SEPHS1: variants seen among roughly 807,000 people sequenced by gnomAD.
SEPHS1 encodes selenophosphate synthetase 1, also known as zincore component SEPHS1.
SEPHS1 carries 7 observed loss-of-function variants against 39.2 expected under a neutral mutation model. The observed-to-expected ratio is 0.18, with a 90% confidence interval of 0.10 to 0.34. The LOEUF is 0.34. SEPHS1 is among the 10% of genes least tolerant of loss of function. SEPHS1 has a pLI of 1.00. For missense variants in SEPHS1, 253 were observed against 514.5 expected, an observed-to-expected ratio of 0.49 and a Z score of 4.92; for synonymous variants, 190 against 195.5, an observed-to-expected ratio of 0.97 and a Z score of 0.23.
intron 2 of SEPHS1, among the ~76,000 whole-genome samples, chr10:13,341,503 G>T (rs1045584971): frequency 2.6e-5 from 4 of 150,994 alleles, no homozygotes; most frequent in Non-Finnish European, 5.9e-5. Flanking sequence ...TAGGCACCAG[G>T]CAACAAATGT....
intron 8 of SEPHS1, among the ~76,000 whole-genome samples, chr10:13,319,878 G>A (rs1363308611): frequency 1.3e-5 from 2 of 152,130 alleles, no homozygotes; most frequent in Non-Finnish European, 2.9e-5. Flanking sequence ...TGACCTATTC[G>A]TGAACCACAT....
chr10:13,332,766 C>G (rs536546251), intron 5 of SEPHS1, among the ~76,000 whole-genome samples: 4 of 151,728 alleles, frequency 2.6e-5, no homozygotes, highest in African/African-American at 9.7e-5. Flanking sequence ...TGGCATGAAC[C>G]CGGGAGATGG....
chr10:13,324,330 T>A (rs1833198976), intron 7 of SEPHS1, among the ~76,000 whole-genome samples: 1 of 152,226 alleles, frequency 6.6e-6, no homozygotes, highest in Non-Finnish European at 1.5e-5. Context: ...ATTCATCCAC[T>A]CACCTACTGA....
chr10:13,324,620 G>GT (rs749639323), intron 7 of SEPHS1, among the ~76,000 whole-genome samples: 192 of 151,914 alleles, frequency 1.3e-3, no homozygotes, highest in Admixed American at 2.4e-3. Flanking sequence ...GTGTTTTTGG[G>GT]TTTTTTTTGA....
intron 7 of SEPHS1, among the ~76,000 whole-genome samples, chr10:13,323,796 C>A (rs1246887384): frequency 6.6e-6 from 1 of 150,506 alleles, no homozygotes; most frequent in Non-Finnish European, 1.5e-5. Flanking sequence ...GGCTGGAGTG[C>A]AGTGGCATGA....
At chr10:13,325,962 AAATAAT>A (rs1554789112) in intron 7 of SEPHS1, among the ~76,000 whole-genome samples, 10 of 67,828 alleles carry the variant, frequency 1.5e-4, no homozygotes, top group Admixed American at 4.1e-4. Context: ...AAAAAAAAAA[AAATAAT>A]AATAATAATA....
In SEPHS1 at chr10:13,348,211, C is replaced by T. The variant is rs1432415725; in HGVS notation, c.-290G>A. 3 of 145,962 alleles carry T rather than the reference C, an allele frequency of 2.1e-5. No individual in the cohort carries two copies. The highest frequency in any genetic ancestry group is 3.0e-5 in the Non-Finnish European group (2 of 65,970). 9.0% of individuals were successfully genotyped at this position (145,962 alleles called of 1,614,324 possible). ...CCTGCGGGAGCCGGGCCGCCGCGCT[C>T]CCGCCGGCTGGGCGCGCGGGGGTCC... On this transcript the variant is annotated 5_prime_UTR_variant, in exon 1 of 9. Transcript: ENST00000327347.
intron 8 of SEPHS1, among the ~76,000 whole-genome samples, chr10:13,321,768 G>A (rs1404860893): frequency 3.9e-5 from 6 of 152,250 alleles, no homozygotes; most frequent in African/African-American, 1.2e-4. Flanking sequence ...GAGCGATGGC[G>A]AGCCTGTAGG....
chr10:13,347,644 C>T (rs1833966267), intron 1 of SEPHS1, among the ~76,000 whole-genome samples: 1 of 146,998 alleles, frequency 6.8e-6, no homozygotes, highest in Non-Finnish European at 1.5e-5. Context: ...CCCAGGCCGG[C>T]CGCTCCCGCC....
intron 2 of SEPHS1, among the ~76,000 whole-genome samples, chr10:13,339,376 C>T (rs1295885412): frequency 6.6e-6 from 1 of 152,034 alleles, no homozygotes; most frequent in Non-Finnish European, 1.5e-5. Flanking sequence ...TGGAAATTTC[C>T]AATCAAGCCT....
intron 7 of SEPHS1, 100 bp downstream of exon 7, chr10:13,328,251 A>G (rs1833362475): frequency 1.3e-6 from 1 of 786,786 alleles, no homozygotes; most frequent in Non-Finnish European, 2.1e-6. Context: ...ACTGGCCAAA[A>G]ATCTGGCCAC....
intron 7 of SEPHS1, among the ~76,000 whole-genome samples, chr10:13,325,960 A>AT (rs1371662349): frequency 0.017 from 1,732 of 102,876 alleles, 41 homozygotes; most frequent in Middle Eastern, 0.036. Flanking sequence ...AAAAAAAAAA[A>AT]AAAATAATAA....
intron 2 of SEPHS1, among the ~76,000 whole-genome samples, chr10:13,342,017 C>A (rs1588548741): frequency 6.7e-6 from 1 of 148,426 alleles, no homozygotes; most frequent in South Asian, 2.1e-4. Flanking sequence ...CGGTGTCTCA[C>A]GCCTGTAATC....
At position 13,329,782 on chromosome 10, in the gene SEPHS1, G is replaced by A; in HGVS notation, c.567C>T (p.Asp189=). ...VCQPNEFIMP[D]NAVPGDVLVL... is the part of the protein sequence containing the mutation. ...CCAGCACGTCCCCTGGCACTGCATT[G>A]TCTGGCCTGAAGAAAAGAAAAGGGC... Residue 189 remains aspartate, a synonymous_variant, in exon 6 of 9, where the codon GAC becomes GAT. Coordinates refer to ENST00000327347, the MANE Select transcript of SEPHS1 (RefSeq NM_012247.5). 2 of 1,607,510 alleles carry A rather than the reference G, an allele frequency of 1.2e-6. No individual in the cohort carries two copies. The highest frequency in any genetic ancestry group is 1.7e-6 in the Non-Finnish European group (2 of 1,177,440).
chr10:13,346,801 C>CA (rs373976795), intron 1 of SEPHS1, among the ~76,000 whole-genome samples: 3 of 152,104 alleles, frequency 2.0e-5, no homozygotes, highest in Non-Finnish European at 4.4e-5. Flanking sequence ...TCCTGGCTCC[C>CA]AAAAAGGTGG....
chr10:13,348,236 C>G lies in SEPHS1; in HGVS notation c.-315G>C, dbSNP rs912078051. Reference sequence around the variant, plus strand: ...CCCGCCGGCTGGGCGCGCGGGGGTCCTTTAAGGCCGGCCACCTCCCTTTAA... The same window carrying G: ...CCCGCCGGCTGGGCGCGCGGGGGTCGTTTAAGGCCGGCCACCTCCCTTTAA... On this transcript the variant is annotated 5_prime_UTR_variant, in exon 1 of 9. Coordinates refer to ENST00000327347, the MANE Select transcript of SEPHS1 (RefSeq NM_012247.5). The G allele has an allele frequency of 1.4e-5, 2 of 148,010 alleles. No individual in the cohort carries two copies. The highest frequency in any genetic ancestry group is 1.3e-4 in the Admixed American group (2 of 14,968). The allele number at this position is 148,010 out of a possible 1,614,324, so 9.2% of individuals were successfully genotyped here.
chr10:13,333,782 A>G (rs917667419), intron 5 of SEPHS1, 35 bp downstream of exon 5: 39 of 1,605,064 alleles, frequency 2.4e-5, no homozygotes, highest in Non-Finnish European at 3.1e-5. Flanking sequence ...AGAGAGAAAA[A>G]CAGGTCAGGT....
Position 13,325,932 on chromosome 10 carries a change from A to G in SEPHS1, c.751+2419T>C, listed in dbSNP as rs1371283060. ...AAAAAAAAAAAAAAAAAAAAAAAAA[A>G]AGAGACTCAGTCTCAAAAAAAAAAA... is the stretch of plus-strand genomic sequence containing the variant. On this transcript the variant is annotated intron_variant, in intron 7 of 8. Transcript: ENST00000327347. 5.9e-4 allele frequency among the ~76,000 whole-genome samples: 38 copies of G among 64,012 alleles called. 2 individuals are homozygous for G. The highest frequency in any genetic ancestry group is 8.7e-4 in the African/African-American group (7 of 8,058). 42.0% of individuals were successfully genotyped at this position (64,012 alleles called of 152,430 possible).
At chr10:13,322,408 G>A (rs979687797) in intron 8 of SEPHS1, among the ~76,000 whole-genome samples, 1 of 151,914 alleles carries the variant, frequency 6.6e-6, no homozygotes, top group Non-Finnish European at 1.5e-5. Context: ...AGCCTCCTGA[G>A]GTGCCAGTAT....
Sources: allele counts gnomAD v4.1 joint callset (sites outside exome capture counted in the v4.1 genomes callset), GRCh38; gene constraint gnomAD v4.1.1; transcripts MANE v1.5; gene names NCBI Gene and HGNC (gene_info 2026-07-23, HGNC 2026-07-21).